Variants in DSTYK observed in about 807,000 individuals in gnomAD.
The protein encoded by DSTYK is RIP-homologous kinase.
DSTYK carries 34 observed loss-of-function variants against 98.7 expected under a neutral mutation model. The observed-to-expected ratio is 0.34, with a 90% CI of 0.26 to 0.46. The LOEUF (loss-of-function observed/expected upper bound fraction) is 0.46. Ranked by LOEUF, DSTYK falls within the 20% of genes least tolerant of loss-of-function variation. The pLI is 1.00. For missense variants in DSTYK, 962 were observed against 1,181.7 expected (o/e 0.81, Z 2.73); for synonymous variants, 462 against 457.3 (o/e 1.01, Z -0.13).
intron 2 of DSTYK, among the ~76,000 whole-genome samples, chr1:205,179,373 C>T (rs1350204587): frequency 6.6e-6 from 1 of 152,080 alleles, no homozygotes; most frequent in Admixed American, 6.6e-5. Context: ...GTACTCCCAG[C>T]ACTTTGGGAG....
Position 205,211,528 on chromosome 1 carries a change from C to T in DSTYK, c.8G>A (p.Gly3Asp). 3 of 1,538,624 alleles carry T rather than the reference C, an allele frequency of 1.9e-6. No homozygotes were observed. Among genetic ancestry groups the T allele is most frequent in the South Asian group, 1.2e-5 (1 of 80,948 alleles). The change falls in exon 1 of 13, where the codon GGC becomes GAC. Residue 3 changes from glycine to aspartate, a missense_variant. Gly to Asp is a moderately conservative substitution (Grantham distance 94). Coordinates refer to ENST00000367162, the MANE Select transcript of DSTYK (RefSeq NM_015375.3). ...CTCGCTGCCCCATGGCACCCCGTCG[C>T]CCTCCATCGCCTCTGCCCGCTCTGT... ME[G>D]DGVPWGSEPV... is the part of the protein sequence containing the mutation.
intron 7 of DSTYK, 98 bp downstream of exon 7, chr1:205,161,160 G>A: frequency 6.8e-7 from 1 of 1,468,522 alleles, no homozygotes; most frequent in African/African-American, 1.4e-5. Context: ...GCTTTGCAAA[G>A]AAGCAGCTTT....
At chr1:205,176,476 TAAAAAAAAAAAAAAAAAAAA>T (rs61291677) in intron 2 of DSTYK, among the ~76,000 whole-genome samples, 1 of 43,188 alleles carries the variant, frequency 2.3e-5, no homozygotes, top group Non-Finnish European at 4.5e-5. Context: ...AACTCCCTCT[TAAAAAAAAAAAAAAAAAAAA>T]AAAAAAAAAA....
At chr1:205,181,653 GGTTTGTGTGTGT>G (rs1252009260) in intron 2 of DSTYK, among the ~76,000 whole-genome samples, 4 of 84,052 alleles carry the variant, frequency 4.8e-5, no homozygotes, top group Admixed American at 1.2e-4. Context: ...CAGATGTTGG[GGTTTGTGTGTGT>G]GTGTGTGTGT....
At chr1:205,182,991 C>A (rs2102441793) in intron 2 of DSTYK, among the ~76,000 whole-genome samples, 1 of 151,356 alleles carries the variant, frequency 6.6e-6, no homozygotes. Context: ...CTCCAGGCTG[C>A]AGGAATCCCA....
intron 6 of DSTYK, 46 bp downstream of exon 6, chr1:205,161,990 C>G: frequency 1.9e-6 from 3 of 1,581,864 alleles, no homozygotes; most frequent in Non-Finnish European, 2.6e-6. Flanking sequence ...CTGGATGAGG[C>G]TCTTCTCTGC....
intron 2 of DSTYK, among the ~76,000 whole-genome samples, chr1:205,183,494 G>GT (rs1290122471): frequency 6.6e-6 from 1 of 152,196 alleles, no homozygotes; most frequent in African/African-American, 2.4e-5. Context: ...TTAAAATAAC[G>GT]TATTAGAAGA....
At chr1:205,163,166 G>A (rs1657783197) in intron 4 of DSTYK, among the ~76,000 whole-genome samples, 160 bp from the exon 5 acceptor site, 1 of 151,776 alleles carries the variant, frequency 6.6e-6, no homozygotes, top group South Asian at 2.1e-4. Context: ...TATTTATTTT[G>A]TGACTATCTA....
intron 1 of DSTYK, among the ~76,000 whole-genome samples, chr1:205,190,794 G>A (rs1414928995): frequency 6.6e-6 from 1 of 152,004 alleles, no homozygotes; most frequent in African/African-American, 2.4e-5. Flanking sequence ...AAGTGTCTAC[G>A]CATGAATGCA....
At chr1:205,184,731 C>T (rs576006639) in intron 2 of DSTYK, among the ~76,000 whole-genome samples, 1 of 152,248 alleles carries the variant, frequency 6.6e-6, no homozygotes, top group South Asian at 2.1e-4. Flanking sequence ...CTTGATCCCC[C>T]AACCCCAGCC....
chr1:205,163,415 C>T (rs1402358507), intron 4 of DSTYK, among the ~76,000 whole-genome samples: 1 of 152,004 alleles, frequency 6.6e-6, no homozygotes, highest in Non-Finnish European at 1.5e-5. Context: ...GATGGGATTT[C>T]TCCATGTTGG....
intron 1 of DSTYK, among the ~76,000 whole-genome samples, chr1:205,209,454 T>C (rs1307581271): frequency 1.3e-5 from 2 of 151,838 alleles, no homozygotes; most frequent in East Asian, 1.9e-4. Context: ...GGACAGTATA[T>C]TTCTGGACGT....
chr1:205,201,405 CA>C (rs67120994), intron 1 of DSTYK, among the ~76,000 whole-genome samples: 1,725 of 95,436 alleles, frequency 0.018, 24 homozygotes, highest in African/African-American at 0.061. Context: ...TTTTTTAATG[CA>C]AAAAAAAAAA....
chr1:205,148,085 C>T lies in DSTYK; in HGVS notation c.2602+120G>A, dbSNP rs549553698. ...TTTTCTGGATTCATGACAGTTTAAA[C>T]GTATCTACGGCCCTGCTATGGAGTG... On this transcript the variant is annotated intron_variant, in intron 12 of 12. Coordinates refer to ENST00000367162, the MANE Select transcript of DSTYK (RefSeq NM_015375.3). 1.2e-4 allele frequency: 142 copies of T among 1,204,980 alleles called. 1 individual carries two copies. In the Middle Eastern group the frequency reaches 1.4e-3, roughly 12 times the overall value. 74.6% of individuals were successfully genotyped at this position (1,204,980 alleles called of 1,614,324 possible).
intron 2 of DSTYK, among the ~76,000 whole-genome samples, chr1:205,177,163 C>A (rs185011589): frequency 9.2e-5 from 14 of 152,090 alleles, no homozygotes; most frequent in African/African-American, 3.4e-4. Flanking sequence ...GCCGTGATCA[C>A]GTCACTGCAC....
intron 2 of DSTYK, chr1:205,172,913 C>T (rs1207513414): frequency 6.6e-6 from 1 of 152,148 alleles, no homozygotes; most frequent in African/African-American, 2.4e-5. Context: ...GCTCATCTTG[C>T]TATTCAAAAC....
intron 1 of DSTYK, among the ~76,000 whole-genome samples, chr1:205,196,520 C>T (rs1164627321): frequency 6.6e-6 from 1 of 152,116 alleles, no homozygotes; most frequent in African/African-American, 2.4e-5. Context: ...CACTACTGCG[C>T]TCCATCCAGC....
In DSTYK at chr1:205,182,498, T is replaced by TAAAAAAAAAA. The variant is rs386369411; in HGVS notation, c.654+4910_654+4919dup. The stretch of plus-strand genomic sequence containing the variant: ...TCCCATTGGTTAGAGTTAAAAACGG[T>TAAAAAAAAAA]AAAAAAAAAAAAAAAAAAAAAAAAA... On this transcript the variant is annotated intron_variant, in intron 2 of 12. Coordinates refer to ENST00000367162, the MANE Select transcript of DSTYK (RefSeq NM_015375.3). 3.9e-5 allele frequency among the ~76,000 whole-genome samples: 3 copies of TAAAAAAAAAA among 77,752 alleles called. 1 individual carries two copies. Among genetic ancestry groups the TAAAAAAAAAA allele is most frequent in the Non-Finnish European group, 6.7e-5 (3 of 44,574 alleles). 51.0% of individuals were successfully genotyped at this position (77,752 alleles called of 152,430 possible). A position where few individuals can be genotyped will look rare whatever the true frequency, so the allele number is the denominator to read the frequency against.
intron 1 of DSTYK, among the ~76,000 whole-genome samples, chr1:205,209,597 CTTATTTTACCTTGT>C (rs1187282197): frequency 8.7e-5 from 13 of 149,966 alleles, no homozygotes; most frequent in East Asian, 4.0e-4. Flanking sequence ...TTTAAAAAGC[CTTATTTTACCTTGT>C]AACATAAAAG....
Sources: gnomAD v4.1 joint callset for allele counts (sites outside exome capture counted in the v4.1 genomes callset) on GRCh38, gnomAD v4.1.1 for gene constraint, MANE v1.5 for transcripts, NCBI Gene and HGNC (gene_info 2026-07-23, HGNC 2026-07-21) for gene names.